The following PIP5K1B variants were observed in gnomAD, a reference collection of about 807,000 sequenced individuals.
The protein encoded by PIP5K1B is phosphatidylinositol 4-phosphate 5-kinase type-1 beta.
A neutral mutation model predicts 67.0 loss-of-function variants in PIP5K1B; 42 were observed. The observed-to-expected ratio is 0.63, with a 90% CI of 0.49 to 0.81. The LOEUF is 0.81. PIP5K1B is among the 30% of genes least tolerant of loss of function. The pLI is 0.00. For missense variants in PIP5K1B, 459 were observed against 646.3 expected (o/e 0.71, Z 3.14); for synonymous variants, 214 against 231.4 (o/e 0.92, Z 0.68).
At chr9:68,914,115 A>T (rs575482934) in intron 8 of PIP5K1B, among the ~76,000 whole-genome samples, 68 of 152,324 alleles carry the variant, frequency 4.5e-4, no homozygotes, top group African/African-American at 1.6e-3. Context: ...TAATTCATGG[A>T]TGCTTTGCTG....
chr9:68,997,764 C>T (rs920055954), intron 15 of PIP5K1B, among the ~76,000 whole-genome samples: 35 of 152,258 alleles, frequency 2.3e-4, no homozygotes, highest in African/African-American at 7.7e-4. Context: ...AAAAGTGACG[C>T]AAGCTTCAAA....
chr9:68,923,292 G>T lies in PIP5K1B; in HGVS notation c.1117-10G>T. On this transcript the variant is annotated splice_polypyrimidine_tract_variant and intron_variant, in intron 11 of 15. Coordinates refer to ENST00000265382, the MANE Select transcript of PIP5K1B (RefSeq NM_003558.4). ...GGTGACCCTGTGATCCTGGGTTTTT[G>T]TCTTTTCAGGACACTGTTTCTGTTC... The T allele has an allele frequency of 6.5e-7, 1 of 1,545,368 alleles. No homozygotes were observed. The highest frequency in any genetic ancestry group is 8.9e-7 in the Non-Finnish European group (1 of 1,124,490).
At position 68,847,413 on chromosome 9, in the gene PIP5K1B, TTGTGTGTGTGTGTGTGTG is replaced by T. The variant is rs777818994; in HGVS notation, c.70-16390_70-16373del. 1.3e-4 allele frequency among the ~76,000 whole-genome samples: 13 copies of T among 101,646 alleles called. No individual in the cohort carries two copies. The East Asian group carries it at 1.6e-3, about 12-fold the overall frequency. The allele number at this position is 101,646 out of a possible 152,430, so 66.7% of individuals were successfully genotyped here. A position where few individuals can be genotyped will look rare whatever the true frequency, so the allele number is the denominator to read the frequency against. ...TAAATCAGCAACAACAGCAGTGGTTTTGTGTGTGTGTGTGTGTGTGTGTGTGTGTGTGTGTGTGTGTGT... is the reference window on the plus strand; with the variant it reads ...TAAATCAGCAACAACAGCAGTGGTTTTGTGTGTGTGTGTGTGTGTGTGTGT... On this transcript the variant is annotated intron_variant, in intron 4 of 15. Coordinates refer to ENST00000265382, the MANE Select transcript of PIP5K1B (RefSeq NM_003558.4).
chr9:68,832,709 A>G (rs1161360292), intron 4 of PIP5K1B, among the ~76,000 whole-genome samples: 1 of 152,188 alleles, frequency 6.6e-6, no homozygotes, highest in East Asian at 1.9e-4. Flanking sequence ...AGAGACAGAA[A>G]TTGGGTTCAA....
chr9:68,959,542 T>A (rs1481646114), intron 14 of PIP5K1B, among the ~76,000 whole-genome samples: 1 of 152,270 alleles, frequency 6.6e-6, no homozygotes, highest in South Asian at 2.1e-4. Flanking sequence ...AGTTGCTATT[T>A]CCAGTTTTTT....
intron 2 of PIP5K1B, among the ~76,000 whole-genome samples, chr9:68,775,609 A>G (rs1465338706): frequency 3.3e-5 from 5 of 152,090 alleles, no homozygotes; most frequent in Admixed American, 3.3e-4. Flanking sequence ...TCATCATGGC[A>G]CTCACTCACA....
At chr9:68,896,199 A>T (rs1825073454) in intron 8 of PIP5K1B, among the ~76,000 whole-genome samples, 1 of 152,202 alleles carries the variant, frequency 6.6e-6, no homozygotes. Context: ...TGCCCTTTAC[A>T]GGATGTGGGT....
chr9:68,759,453 CAAGAAAACATAATA>C (rs1830088408), intron 2 of PIP5K1B, among the ~76,000 whole-genome samples: 1 of 151,606 alleles, frequency 6.6e-6, no homozygotes, highest in African/African-American at 2.4e-5. Flanking sequence ...TAAAACATGT[CAAGAAAACATAATA>C]AAGTGGAATA....
chr9:68,729,520 T>C (rs565426257), intron 1 of PIP5K1B, among the ~76,000 whole-genome samples: 1 of 152,244 alleles, frequency 6.6e-6, no homozygotes, highest in Admixed American at 6.5e-5. Context: ...TAAGATTATC[T>C]AAAAGGCAGT....
intron 13 of PIP5K1B, 130 bp from the exon 14 acceptor site, chr9:68,940,514 GCA>G: frequency 1.3e-6 from 1 of 764,206 alleles, no homozygotes; most frequent in Non-Finnish European, 2.1e-6. Context: ...AAAAAAAAGT[GCA>G]GTTAATTCAT....
At chr9:68,736,826 G>C (rs902533503) in intron 1 of PIP5K1B, among the ~76,000 whole-genome samples, 1 of 152,124 alleles carries the variant, frequency 6.6e-6, no homozygotes, top group African/African-American at 2.4e-5. Context: ...ATTACATCTC[G>C]AAGATTCCTT....
At chr9:68,994,037 ATTT>A (rs67700788) in intron 15 of PIP5K1B, among the ~76,000 whole-genome samples, 52 of 118,596 alleles carry the variant, frequency 4.4e-4, no homozygotes, top group African/African-American at 1.6e-3. Flanking sequence ...TTTTTCCTGA[ATTT>A]TTTTTTTTTT....
At chr9:68,878,013 C>CTGTGTG (rs35871698) in intron 6 of PIP5K1B, among the ~76,000 whole-genome samples, 11,118 of 141,942 alleles carry the variant, frequency 0.078, 421 homozygotes, top group Non-Finnish European at 0.086. Context: ...CGCATTTGTT[C>CTGTGTG]TGTGTGTGTG....
chr9:68,960,531 G>T (rs1587723288), intron 14 of PIP5K1B, among the ~76,000 whole-genome samples: 1 of 151,684 alleles, frequency 6.6e-6, no homozygotes, highest in African/African-American at 2.4e-5. Flanking sequence ...TTTGAAAATT[G>T]AAGCCGCTAG....
At chr9:68,814,000 G>GGT (rs2132036557) in intron 2 of PIP5K1B, among the ~76,000 whole-genome samples, 1 of 152,290 alleles carries the variant, frequency 6.6e-6, no homozygotes, top group South Asian at 2.1e-4. Context: ...AAAAAGATGA[G>GGT]GGAAGGCGCA....
chr9:68,882,780 C>G (rs1056496417), intron 6 of PIP5K1B, among the ~76,000 whole-genome samples: 2 of 152,162 alleles, frequency 1.3e-5, no homozygotes, highest in Non-Finnish European at 2.9e-5. Flanking sequence ...TCTGCCTTTA[C>G]TTTTTATGAG....
At chr9:68,958,034 G>A (rs1424856094) in intron 14 of PIP5K1B, among the ~76,000 whole-genome samples, 1 of 151,846 alleles carries the variant, frequency 6.6e-6, no homozygotes, top group Non-Finnish European at 1.5e-5. Context: ...CACCATGCCC[G>A]GCTAATTTTT....
rs553288185 is a variant in PIP5K1B, at chr9:68,732,215, G to T, written c.-242-10286G>T. 3.9e-5 allele frequency among the ~76,000 whole-genome samples: 6 copies of T among 152,320 alleles called. No homozygotes were observed. In the South Asian group the frequency reaches 1.2e-3, roughly 32 times the overall value. The stretch of plus-strand genomic sequence containing the variant: ...AAGGTGTAGTTTCAGTTATTTGCAG[G>T]TGTGTCTTATCTTCCCTGTTGGATT... On this transcript the variant is annotated intron_variant, in intron 1 of 15. Transcript: ENST00000265382.
intron 1 of PIP5K1B, among the ~76,000 whole-genome samples, chr9:68,739,059 G>A (rs1189205744): frequency 6.6e-6 from 1 of 152,172 alleles, no homozygotes; most frequent in Admixed American, 6.5e-5. Context: ...CCTGGCCACC[G>A]TTGGCATTTG....
Sources: allele counts gnomAD v4.1 joint callset (sites outside exome capture counted in the v4.1 genomes callset), GRCh38; gene constraint gnomAD v4.1.1; transcripts MANE v1.5; gene names NCBI Gene and HGNC (gene_info 2026-07-23, HGNC 2026-07-21).